HPSE2: variants seen among roughly 807,000 people sequenced by gnomAD.
HPSE2 encodes inactive heparanase-2.
In HPSE2, 38 loss-of-function variants were observed where a neutral mutation model predicts 60.5. The ratio of observed to expected loss-of-function variants is 0.63; its 90% CI spans 0.48 to 0.82. The LOEUF is 0.82. Among genes scored for constraint, HPSE2 ranks in the 40% least tolerant of loss-of-function variants. The pLI is 0.00. For missense variants in HPSE2, 713 were observed against 740.4 expected, an observed-to-expected ratio of 0.96 and a Z score of 0.43; for synonymous variants, 295 against 293.2, an observed-to-expected ratio of 1.01 and a Z score of -0.06.
chr10:98,796,121 CT>C (rs1436784052), intron 3 of HPSE2, among the ~76,000 whole-genome samples: 1 of 152,146 alleles, frequency 6.6e-6, no homozygotes, highest in African/African-American at 2.4e-5. Flanking sequence ...TGAAAGACTC[CT>C]TGTGTTTGAG....
chr10:98,502,150 C>T (rs760781107), intron 9 of HPSE2, among the ~76,000 whole-genome samples: 30 of 152,024 alleles, frequency 2.0e-4, no homozygotes, highest in Non-Finnish European at 3.7e-4. Flanking sequence ...TCAATGCAAT[C>T]CCCATCAAAA....
chr10:99,043,947 T>C (rs1957799326), intron 3 of HPSE2, among the ~76,000 whole-genome samples: 1 of 152,176 alleles, frequency 6.6e-6, no homozygotes, highest in Non-Finnish European at 1.5e-5. Flanking sequence ...TATTTGAGAA[T>C]ACAGTCCACG....
chr10:99,062,404 C>CCATTCTTCCAACATTCTTCCAGT, intron 3 of HPSE2, among the ~76,000 whole-genome samples: 1 of 152,190 alleles, frequency 6.6e-6, no homozygotes, highest in Non-Finnish European at 1.5e-5. Flanking sequence ...ATGAAAGGTA[C>CCATTCTTCCAACATTCTTCCAGT]CATTCTTCCA....
intron 10 of HPSE2, among the ~76,000 whole-genome samples, chr10:98,484,539 C>A (rs1941369994): frequency 6.6e-6 from 1 of 152,208 alleles, no homozygotes; most frequent in African/African-American, 2.4e-5. Context: ...GCCCGGACAC[C>A]TTTGCCTATT....
chr10:99,079,148 C>T (rs1464815220), intron 3 of HPSE2, among the ~76,000 whole-genome samples: 1 of 152,114 alleles, frequency 6.6e-6, no homozygotes, highest in Non-Finnish European at 1.5e-5. Context: ...GCACTGGTCC[C>T]CAGGCAGCAA....
the HPSE2 span, among the ~76,000 whole-genome samples, chr10:99,298,137 C>A: frequency 6.6e-6 from 1 of 152,146 alleles, no homozygotes; most frequent in Non-Finnish European, 1.5e-5. Flanking sequence ...TGGGTAGGTT[C>A]TCTGGCAAGT....
At chr10:99,029,489 A>G (rs910005616) in intron 3 of HPSE2, among the ~76,000 whole-genome samples, 1 of 152,180 alleles carries the variant, frequency 6.6e-6, no homozygotes, top group Non-Finnish European at 1.5e-5. Flanking sequence ...ATTGGATACA[A>G]AGCAAAAGGG....
chr10:98,692,495 G>A (rs1012083988), intron 6 of HPSE2, among the ~76,000 whole-genome samples: 11 of 151,846 alleles, frequency 7.2e-5, no homozygotes, highest in African/African-American at 2.4e-4. Flanking sequence ...AAGGCCGGGC[G>A]CGGTGGCTCA....
At chr10:99,233,320 G>A (rs1849729825) in intron 1 of HPSE2, among the ~76,000 whole-genome samples, 1 of 152,066 alleles carries the variant, frequency 6.6e-6, no homozygotes, top group Non-Finnish European at 1.5e-5. Context: ...CCCCGAGTTA[G>A]GCTCCATCTT....
chr10:98,569,116 T>G (rs905642866), intron 9 of HPSE2, among the ~76,000 whole-genome samples: 2 of 150,546 alleles, frequency 1.3e-5, no homozygotes, highest in Non-Finnish European at 2.9e-5. Context: ...CAGGCTGGAG[T>G]GCAATGGCTC....
chr10:98,768,282 GA>G (rs1173488228), intron 3 of HPSE2, among the ~76,000 whole-genome samples: 1 of 151,994 alleles, frequency 6.6e-6, no homozygotes, highest in Non-Finnish European at 1.5e-5. Flanking sequence ...ATACTAGAAG[GA>G]AAAAAAGTTC....
At chr10:98,478,074 C>A (rs1018573616) in intron 11 of HPSE2, among the ~76,000 whole-genome samples, 19 of 152,194 alleles carry the variant, frequency 1.2e-4, no homozygotes, top group African/African-American at 4.6e-4. Flanking sequence ...GACCACTGCC[C>A]TAGAGGACAG....
chr10:99,269,449 T>G, the HPSE2 span, among the ~76,000 whole-genome samples: 1 of 151,996 alleles, frequency 6.6e-6, no homozygotes, highest in Non-Finnish European at 1.5e-5. Context: ...GCTCCCAAAT[T>G]TATACAGCAA....
chr10:98,562,632 G>A (rs531287359), intron 9 of HPSE2, among the ~76,000 whole-genome samples: 43 of 151,382 alleles, frequency 2.8e-4, no homozygotes, highest in African/African-American at 7.5e-4. Flanking sequence ...GGAGAAGGGC[G>A]TGAACCCGGG....
At position 98,570,795 on chromosome 10, in the gene HPSE2, G is replaced by A. The variant is rs936950613; in HGVS notation, c.1320+44109C>T. On this transcript the variant is annotated intron_variant, in intron 9 of 11. Coordinates refer to ENST00000370552, the MANE Select transcript of HPSE2 (RefSeq NM_021828.5). ...GTCAACTGCAGTCCCATTATAACAC[G>A]CACCTCATGTCTTCTGGCTCTAAGT... 1.0e-4 allele frequency among the ~76,000 whole-genome samples: 15 copies of A among 148,350 alleles called. No homozygotes were observed. In the South Asian group the frequency reaches 3.3e-3, roughly 33 times the overall value.
intron 3 of HPSE2, among the ~76,000 whole-genome samples, chr10:99,073,659 A>G (rs1287575432): frequency 2.0e-5 from 3 of 152,160 alleles, no homozygotes; most frequent in South Asian, 2.1e-4. Context: ...AAAAATAATA[A>G]TAATATTCAG....
intron 3 of HPSE2, among the ~76,000 whole-genome samples, chr10:99,094,838 T>C (rs1843664753): frequency 6.6e-6 from 1 of 151,736 alleles, no homozygotes; most frequent in Non-Finnish European, 1.5e-5. Context: ...ATTACAGGCA[T>C]GAGCCTCCAC....
intron 3 of HPSE2, among the ~76,000 whole-genome samples, chr10:98,969,943 GGT>G (rs1955908335): frequency 1.3e-5 from 2 of 150,488 alleles, no homozygotes; most frequent in African/African-American, 4.9e-5. Flanking sequence ...AGGAGCAAGA[GGT>G]GGGGAACAGC....
At chr10:98,473,744 A>C (rs1460723427) in intron 11 of HPSE2, among the ~76,000 whole-genome samples, 2 of 152,114 alleles carry the variant, frequency 1.3e-5, no homozygotes, top group Non-Finnish European at 2.9e-5. Flanking sequence ...TTCTCTTCTT[A>C]CTTTTTCCAA....
Sources: allele counts gnomAD v4.1 joint callset (sites outside exome capture counted in the v4.1 genomes callset), GRCh38; gene constraint gnomAD v4.1.1; transcripts MANE v1.5; gene names NCBI Gene and HGNC (gene_info 2026-07-23, HGNC 2026-07-21).